Variants in SMC4 observed in about 807,000 individuals in gnomAD.
The protein encoded by SMC4 is structural maintenance of chromosomes 4.
In SMC4, 87 loss-of-function variants were observed where a neutral mutation model predicts 145.6. The observed-to-expected ratio is 0.60, with a 90% CI of 0.50 to 0.71. SMC4 has a LOEUF of 0.71. Ranked by LOEUF, SMC4 falls within the 30% of genes least tolerant of loss-of-function variation. The pLI, the probability that SMC4 is intolerant of heterozygous loss-of-function variation, is 0.00. For synonymous variants in SMC4, 558 were observed against 500.7 expected (o/e 1.11, Z -1.53); for missense variants, 1,447 against 1,537.1 (o/e 0.94, Z 0.98).
chr3:160,409,556 G>A (rs909760101), intron 5 of SMC4, among the ~76,000 whole-genome samples: 3 of 152,060 alleles, frequency 2.0e-5, no homozygotes, highest in East Asian at 3.9e-4. Context: ...TTTTGTCAGC[G>A]TAAACTGTTA....
At chr3:160,419,960 A>T (rs73154592) in intron 12 of SMC4, among the ~76,000 whole-genome samples, 76,637 of 151,120 alleles carry the variant, frequency 0.51, 19,807 homozygotes, top group Non-Finnish European at 0.54. Context: ...ATTAAAAAAA[A>T]TTTTTTTATA....
rs1215939464 is a variant in SMC4, at chr3:160,413,607, C to T, written c.1115C>T (p.Thr372Ile). The change falls in exon 8 of 24, where the codon ACA becomes ATA. Residue 372 changes from threonine to isoleucine, a missense_variant. Coordinates refer to ENST00000357388, the MANE Select transcript of SMC4 (RefSeq NM_001002800.3). ...MKAKNKDVKDTEKKLNKITKF... is the reference protein window; with the variant it reads ...MKAKNKDVKDIEKKLNKITKF... Reference sequence around the variant, plus strand: ...GCTAAGAATAAAGATGTAAAAGATACAGAAAAGTAATAATATTTTGGGAAG... The same window carrying T: ...GCTAAGAATAAAGATGTAAAAGATATAGAAAAGTAATAATATTTTGGGAAG... 1 of 1,367,756 alleles carries T rather than the reference C, an allele frequency of 7.3e-7. No homozygotes were observed. The highest frequency in any genetic ancestry group is 1.0e-6 in the Non-Finnish European group (1 of 990,280). The allele number at this position is 1,367,756 out of a possible 1,614,324, so 84.7% of individuals were successfully genotyped here. A position where few individuals can be genotyped will look rare whatever the true frequency, so the allele number is the denominator to read the frequency against.
chr3:160,428,480 T>C (rs1048349758), intron 17 of SMC4, among the ~76,000 whole-genome samples: 3 of 152,120 alleles, frequency 2.0e-5, no homozygotes, highest in African/African-American at 7.2e-5. Context: ...TAAGAAAAAG[T>C]TGTAAAGATA....
chr3:160,429,702 T>C lies in SMC4; in HGVS notation c.2795+760T>C, dbSNP rs371976943. Among the ~76,000 whole-genome samples the C allele has an allele frequency of 1.9e-4, 28 of 150,648 alleles. No individual in the cohort carries two copies. In the East Asian group the frequency reaches 5.1e-3, roughly 28 times the overall value. Reference sequence around the variant, plus strand: ...CATTGTCCTTAAAAAAAAAGATTTATCTACTTAGGTTTTTTTTTTTTTTTT... The same window carrying C: ...CATTGTCCTTAAAAAAAAAGATTTACCTACTTAGGTTTTTTTTTTTTTTTT... On this transcript the variant is annotated intron_variant, in intron 18 of 23. Transcript: ENST00000357388.
chr3:160,412,821 CTTT>C, intron 7 of SMC4: 3 of 985,104 alleles, frequency 3.0e-6, no homozygotes, highest in Non-Finnish European at 3.6e-6. Flanking sequence ...TTGAAGTTGA[CTTT>C]TTAGTATCCT....
Position 160,432,416 on chromosome 3 carries a change from ATAAAT to A in SMC4, c.3436_3440del (p.Leu1146GlyfsTer25), listed in dbSNP as rs1341493146. Reference sequence around the variant, plus strand: ...ATGGCAGGTTTTTATATAATAACAAATAAATTAAAGGAAAATTACCAAATGCTTAC... The same window carrying A: ...ATGGCAGGTTTTTATATAATAACAAATAAAGGAAAATTACCAAATGCTTAC... On this transcript the variant is annotated frameshift_variant, in exon 22 of 24. Transcript: ENST00000357388. LOFTEE classifies it high-confidence loss of function. 8 of 1,613,200 alleles carry A rather than the reference ATAAAT, an allele frequency of 5.0e-6. No homozygotes were observed. Among genetic ancestry groups the A allele is most frequent in the South Asian group, 2.2e-5 (2 of 90,948 alleles).
Position 160,426,100 on chromosome 3 carries a change from G to C in SMC4, c.2505G>C (p.Leu835Phe). Residue 835 changes from leucine to phenylalanine, a missense_variant, in exon 17 of 24, where the codon TTG (leucine) becomes TTC (phenylalanine). Transcript: ENST00000357388. ...GTTTAATAGAGCAAGAAGAATATTT[G>C]AATGTCCAAGTTAAGGAACTTGAAG... ...IQRLIEQEEY[L>F]NVQVKELEAN... 6.2e-7 allele frequency: 1 copy of C among 1,605,168 alleles called. No homozygotes were observed. The highest frequency in any genetic ancestry group is 1.1e-5 in the South Asian group (1 of 88,844).
chr3:160,414,021 A>G (rs542569904), intron 8 of SMC4: 10 of 347,822 alleles, frequency 2.9e-5, no homozygotes, highest in African/African-American at 2.2e-4. Flanking sequence ...AAATAAAAAA[A>G]TTTGTATAGT....
In SMC4 at chr3:160,431,069, T is replaced by G; in HGVS notation, c.2978T>G (p.Leu993Arg). Residue 993 changes from leucine to arginine, a missense_variant, in exon 20 of 24, where the codon CTG becomes CGG. Transcript: ENST00000357388. Reference sequence around the variant, plus strand: ...GAGATCCAGAAAGAACATCGCAATCTGCTTCAAGAATTAAAAGTTATTCAA... The same window carrying G: ...GAGATCCAGAAAGAACATCGCAATCGGCTTCAAGAATTAAAAGTTATTCAA... ...LPEIQKEHRNLLQELKVIQEN... is the reference protein window; with the variant it reads ...LPEIQKEHRNRLQELKVIQEN... 1 of 1,607,668 alleles carries G rather than the reference T, an allele frequency of 6.2e-7. No individual in the cohort carries two copies. Among genetic ancestry groups the G allele is most frequent in the African/African-American group, 1.3e-5 (1 of 74,624 alleles).
rs777450711 is a variant in SMC4, at chr3:160,430,630, C to T, written c.2827C>T (p.Arg943Cys). The change falls in exon 19 of 24, where the codon CGT becomes TGT. Residue 943 changes from arginine to cysteine, a missense_variant. By Grantham distance (180) the Arg-to-Cys change is radical. Transcript: ENST00000357388. ...NLQKAQDSVL[R>C]TEKEIKDTEK... ...TCAAAAGGCACAAGACTCTGTCTTG[C>T]GTACAGAGAAAGAAATAAAAGATAC... 6.2e-6 allele frequency: 10 copies of T among 1,611,916 alleles called. No homozygotes were observed. The highest frequency in any genetic ancestry group is 1.6e-4 in the Middle Eastern group (1 of 6,070).
intron 21 of SMC4, among the ~76,000 whole-genome samples, 180 bp downstream of exon 21, chr3:160,432,005 A>C (rs751676087): frequency 4.6e-5 from 7 of 152,240 alleles, no homozygotes; most frequent in Non-Finnish European, 8.8e-5. Context: ...GTTCGAGACC[A>C]GCTGGGCCAA....
In SMC4 at chr3:160,431,219, C is replaced by A; in HGVS notation, c.3114+14C>A. 6.4e-7 allele frequency: 1 copy of A among 1,550,782 alleles called. No homozygotes were observed. The highest frequency in any genetic ancestry group is 1.2e-5 in the South Asian group (1 of 81,728). On this transcript the variant is annotated intron_variant, in intron 20 of 23. Transcript: ENST00000357388. Reference sequence around the variant, plus strand: ...TGGCACAAAGAGGTGAGATTGTTACCGTTTAGTTTAATTTTAAACATATTC... The same window carrying A: ...TGGCACAAAGAGGTGAGATTGTTACAGTTTAGTTTAATTTTAAACATATTC...
intron 5 of SMC4, among the ~76,000 whole-genome samples, chr3:160,405,584 C>T (rs1051980599): frequency 1.3e-5 from 2 of 151,978 alleles, no homozygotes; most frequent in Non-Finnish European, 2.9e-5. Flanking sequence ...TTTAGACATT[C>T]ATAGTATACA....
At chr3:160,419,640 T>A in intron 12 of SMC4, 97 bp downstream of exon 12, 1 of 1,081,000 alleles carries the variant, frequency 9.3e-7, no homozygotes, top group Non-Finnish European at 1.3e-6. Flanking sequence ...AGTGTCACTG[T>A]ATATAAAATA....
rs562164358 is a variant in SMC4, at chr3:160,415,737, A to G, written c.1273-514A>G. Among the ~76,000 whole-genome samples, 145 of 152,364 alleles carry G rather than the reference A, an allele frequency of 9.5e-4. 1 individual carries two copies. The Middle Eastern group carries it at 0.017, about 18-fold the overall frequency. On this transcript the variant is annotated intron_variant, in intron 9 of 23. Transcript: ENST00000357388. ...AGCTAAGTGTAACTGTTACAGAGTGATTAGCCTTTAGGCATAGACTGCATG... is the reference window on the plus strand; with the variant it reads ...AGCTAAGTGTAACTGTTACAGAGTGGTTAGCCTTTAGGCATAGACTGCATG...
chr3:160,401,048 TGTTGAGCGCGGA>T, intron 2 of SMC4, 83 bp downstream of exon 2: 1 of 1,344,214 alleles, frequency 7.4e-7, no homozygotes, highest in Non-Finnish European at 9.5e-7. Flanking sequence ...TGGCTGGGGT[TGTTGAGCGCGGA>T]GTTGACATCT....
chr3:160,433,253 G>C, intron 23 of SMC4, 44 bp downstream of exon 23: 2 of 1,364,846 alleles, frequency 1.5e-6, no homozygotes, highest in South Asian at 2.5e-5. Context: ...ACTTTTAGGG[G>C]TATCCTAAAC....
chr3:160,421,615 G>T (rs1717186540), intron 13 of SMC4, among the ~76,000 whole-genome samples: 1 of 152,058 alleles, frequency 6.6e-6, no homozygotes, highest in Non-Finnish European at 1.5e-5. Flanking sequence ...ATGGTAGCAG[G>T]CGCCTGTAAT....
chr3:160,409,152 G>C (rs1715681825), intron 5 of SMC4, among the ~76,000 whole-genome samples: 1 of 150,180 alleles, frequency 6.7e-6, no homozygotes, highest in Non-Finnish European at 1.5e-5. Flanking sequence ...TGTAGTCCCA[G>C]CTACACAGGA....
Sources: gnomAD v4.1 joint callset for allele counts (sites outside exome capture counted in the v4.1 genomes callset) on GRCh38, gnomAD v4.1.1 for gene constraint, MANE v1.5 for transcripts, NCBI Gene and HGNC (gene_info 2026-07-23, HGNC 2026-07-21) for gene names.